The following TMTC2 variants were observed in gnomAD, a reference collection of about 807,000 sequenced individuals.
The protein encoded by TMTC2 is transmembrane O-mannosyltransferase targeting cadherins 2.
A neutral mutation model predicts 82.4 loss-of-function variants in TMTC2; 43 were observed. That is an observed-to-expected ratio of 0.52 (90% CI 0.41 to 0.67). The LOEUF (loss-of-function observed/expected upper bound fraction) is 0.67, where lower values mean the gene tolerates loss of function less well. Among genes scored for constraint, TMTC2 ranks in the 30% least tolerant of loss-of-function variants. The pLI is 0.00. For missense variants in TMTC2, 919 were observed against 1,012.4 expected (o/e 0.91, Z 1.25); for synonymous variants, 408 against 381.9 (o/e 1.07, Z -0.80).
chr12:82,938,807 A>G (rs1312872013), intron 4 of TMTC2, among the ~76,000 whole-genome samples: 1 of 152,172 alleles, frequency 6.6e-6, no homozygotes, highest in Admixed American at 6.5e-5. Flanking sequence ...TCAAATAATA[A>G]TACTGAAGAA....
At chr12:82,761,790 A>G (rs1876647199) in intron 1 of TMTC2, among the ~76,000 whole-genome samples, 1 of 152,110 alleles carries the variant, frequency 6.6e-6, no homozygotes, top group Admixed American at 6.5e-5. Context: ...ACAACTTTAA[A>G]CAGACCCTTA....
At chr12:83,089,286 T>C (rs1883761563) in intron 11 of TMTC2, among the ~76,000 whole-genome samples, 1 of 152,226 alleles carries the variant, frequency 6.6e-6, no homozygotes, top group South Asian at 2.1e-4. Flanking sequence ...TTTATTCTGC[T>C]ATAGCAAGCT....
intron 11 of TMTC2, among the ~76,000 whole-genome samples, chr12:83,122,049 G>C (rs193227071): frequency 6.6e-6 from 1 of 152,004 alleles, no homozygotes; most frequent in Admixed American, 6.6e-5. Flanking sequence ...GGGCCAGCAG[G>C]CCTGAGAACT....
intron 3 of TMTC2, among the ~76,000 whole-genome samples, chr12:82,915,064 G>C (rs1157289859): frequency 6.6e-6 from 1 of 151,810 alleles, no homozygotes; most frequent in Non-Finnish European, 1.5e-5. Context: ...ACCTCAGGTG[G>C]TCTGCCCACC....
At chr12:82,688,753 C>T (rs940397919) in intron 1 of TMTC2, among the ~76,000 whole-genome samples, 5 of 152,142 alleles carry the variant, frequency 3.3e-5, no homozygotes, top group Non-Finnish European at 7.4e-5. Flanking sequence ...CCTCTCTGAG[C>T]TATGAAAAGT....
At chr12:82,784,343 G>T (rs1225227621) in intron 1 of TMTC2, among the ~76,000 whole-genome samples, 1 of 152,072 alleles carries the variant, frequency 6.6e-6, no homozygotes, top group African/African-American at 2.4e-5. Flanking sequence ...GAGAAGGTGT[G>T]TTGGGAGAAC....
intron 8 of TMTC2, among the ~76,000 whole-genome samples, chr12:83,015,112 T>A (rs541869684): frequency 6.6e-6 from 1 of 152,218 alleles, no homozygotes; most frequent in Non-Finnish European, 1.5e-5. Context: ...AATGCTTGTT[T>A]TAAAATAGAA....
intron 1 of TMTC2, among the ~76,000 whole-genome samples, chr12:82,706,248 C>T (rs560646161): frequency 4.6e-4 from 65 of 142,100 alleles, no homozygotes; most frequent in African/African-American, 1.6e-3. Context: ...ACCTGGGAGG[C>T]GGAGGTTGCA....
intron 8 of TMTC2, among the ~76,000 whole-genome samples, chr12:82,997,394 A>ATC (rs1189115227): frequency 3.6e-5 from 1 of 27,656 alleles, no homozygotes; most frequent in Non-Finnish European, 7.0e-5. Context: ...GTATATATAT[A>ATC]TGTGTATATA....
intron 7 of TMTC2, among the ~76,000 whole-genome samples, chr12:82,980,222 G>T (rs955829496): frequency 6.6e-6 from 1 of 151,614 alleles, no homozygotes; most frequent in Non-Finnish European, 1.5e-5. Context: ...TGCCAAATTA[G>T]TTCCTAAGGA....
chr12:83,102,580 C>T (rs1186622836), intron 11 of TMTC2, among the ~76,000 whole-genome samples: 1 of 152,142 alleles, frequency 6.6e-6, no homozygotes, highest in Non-Finnish European at 1.5e-5. Flanking sequence ...TTTGATACTT[C>T]TGATAAATAA....
At chr12:82,856,978 C>T in intron 1 of TMTC2, 32 bp from the exon 2 acceptor site, 1 of 1,568,194 alleles carries the variant, frequency 6.4e-7, no homozygotes, top group Non-Finnish European at 8.6e-7. Flanking sequence ...CTGTGTTTTA[C>T]ATTTGATTTT....
intron 9 of TMTC2, among the ~76,000 whole-genome samples, chr12:83,038,939 T>G (rs1047320154): frequency 6.8e-6 from 1 of 147,524 alleles, no homozygotes; most frequent in Admixed American, 6.7e-5. Context: ...TTTTTTTTTT[T>G]TTTTTTTTTG....
In TMTC2 at chr12:82,781,466, C is replaced by T. The variant is rs1409134355; in HGVS notation, c.84-75544C>T. Among the ~76,000 whole-genome samples the T allele has an allele frequency of 2.1e-5, 3 of 142,830 alleles. No individual in the cohort carries two copies. The East Asian group carries it at 6.1e-4, about 29-fold the overall frequency. The allele number at this position is 142,830 out of a possible 152,430, so 93.7% of individuals were successfully genotyped here. A position where few individuals can be genotyped will look rare whatever the true frequency, so the allele number is the denominator to read the frequency against. Reference sequence around the variant, plus strand: ...GTTGGCAGTTGGTTGTACAGATTTCCTCTTTGTGGTGGAAATACTGGGATG... The same window carrying T: ...GTTGGCAGTTGGTTGTACAGATTTCTTCTTTGTGGTGGAAATACTGGGATG... On this transcript the variant is annotated intron_variant, in intron 1 of 11. Coordinates refer to ENST00000321196, the MANE Select transcript of TMTC2 (RefSeq NM_152588.3).
At chr12:83,018,584 A>G (rs1880778742) in intron 8 of TMTC2, among the ~76,000 whole-genome samples, 1 of 152,174 alleles carries the variant, frequency 6.6e-6, no homozygotes, top group Non-Finnish European at 1.5e-5. Context: ...ATCTAAAGTA[A>G]AGTTTCCTAT....
intron 9 of TMTC2, among the ~76,000 whole-genome samples, chr12:83,042,184 T>C (rs1349666683): frequency 3.3e-5 from 5 of 152,226 alleles, no homozygotes; most frequent in African/African-American, 1.2e-4. Flanking sequence ...GGAGCTCTCC[T>C]AGGAAAAGGA....
intron 11 of TMTC2, among the ~76,000 whole-genome samples, chr12:83,071,155 T>G (rs1046576473): frequency 1.7e-5 from 2 of 115,236 alleles, no homozygotes; most frequent in African/African-American, 3.6e-5. Flanking sequence ...AGTTGTTTTT[T>G]TTTTTGTTTT....
At chr12:82,712,146 C>T (rs1376156986) in intron 1 of TMTC2, among the ~76,000 whole-genome samples, 1 of 152,138 alleles carries the variant, frequency 6.6e-6, no homozygotes, top group Non-Finnish European at 1.5e-5. Flanking sequence ...AGAAGAGCCA[C>T]CTTGGCTGGG....
chr12:83,118,923 G>T (rs1264977414), intron 11 of TMTC2, among the ~76,000 whole-genome samples: 2 of 151,974 alleles, frequency 1.3e-5, no homozygotes, highest in African/African-American at 4.8e-5. Context: ...TCTCTTCTAG[G>T]TTTTCTAGTT....
Sources: allele counts gnomAD v4.1 joint callset (sites outside exome capture counted in the v4.1 genomes callset), GRCh38; gene constraint gnomAD v4.1.1; transcripts MANE v1.5; gene names NCBI Gene and HGNC (gene_info 2026-07-23, HGNC 2026-07-21).